The following SH3KBP1 variants were observed in gnomAD, a reference collection of about 807,000 sequenced individuals.
SH3KBP1 encodes SH3 domain-containing kinase-binding protein 1.
SH3KBP1 carries 8 observed loss-of-function variants against 50.1 expected under a neutral mutation model. That is an observed-to-expected ratio of 0.16 (90% CI 0.09 to 0.29). The LOEUF is 0.29. Among genes scored for constraint, SH3KBP1 ranks in the 10% least tolerant of loss-of-function variants. The pLI, the probability that SH3KBP1 is intolerant of heterozygous loss-of-function variation, is 1.00. For missense variants in SH3KBP1, 377 were observed against 535.2 expected (o/e 0.70, Z 2.92); for synonymous variants, 227 against 218.6 (o/e 1.04, Z -0.34).
At chrX:19,833,904 T>C (rs1475452692) in intron 2 of SH3KBP1, among the ~76,000 whole-genome samples, 3 of 111,849 alleles carry the variant, frequency 2.7e-5, no homozygotes, top group Non-Finnish European at 5.6e-5. Flanking sequence ...AGAACTCCCA[T>C]TCACACCTCA....
Position 19,760,020 on chromosome X carries a change from TCTCCTCTCTCTCTCTCTCTCC to T in SH3KBP1, c.163-13600_163-13580del, listed in dbSNP as rs1457499329. ...ATAAATCAGTCTCGGTCTCTCTCTC[TCTCCTCTCTCTCTCTCTCTCC>T]CTCTCTCTCTCTCTCTCTCTCTCTC... On this transcript the variant is annotated intron_variant, in intron 2 of 17. Transcript: ENST00000397821. Among the ~76,000 whole-genome samples the T allele has an allele frequency of 5.2e-4, 50 of 95,308 alleles. 1 individual carries two copies. The highest frequency in any genetic ancestry group is 2.2e-3 in the African/African-American group (48 of 21,860). The allele number at this position is 95,308 out of a possible 115,157, so 82.8% of individuals were successfully genotyped here.
At chrX:19,792,860 C>G (rs746746446) in intron 2 of SH3KBP1, among the ~76,000 whole-genome samples, 4 of 110,305 alleles carry the variant, frequency 3.6e-5, no homozygotes, top group Non-Finnish European at 7.6e-5. Context: ...TGCTCCTAAA[C>G]ATCCTACAAC....
intron 7 of SH3KBP1, among the ~76,000 whole-genome samples, chrX:19,636,915 T>C (rs186623473): frequency 1.6e-3 from 175 of 112,260 alleles, no homozygotes; most frequent in African/African-American, 5.4e-3. Context: ...AAGTACCAGG[T>C]CACACCTAAA....
chrX:19,568,376 T>C (rs1024041112), intron 13 of SH3KBP1, among the ~76,000 whole-genome samples: 2 of 112,366 alleles, frequency 1.8e-5, no homozygotes, highest in African/African-American at 6.5e-5. Flanking sequence ...CCAAGAAATG[T>C]GATAGCCTGT....
intron 6 of SH3KBP1, chrX:19,670,886 C>T (rs755182995): frequency 8.7e-7 from 1 of 1,146,493 alleles, no homozygotes; most frequent in South Asian, 1.9e-5. Context: ...TGCAGCCAGC[C>T]TCCTCTCTTC....
chrX:19,845,371 G>A (rs780860860), intron 1 of SH3KBP1, among the ~76,000 whole-genome samples: 84 of 107,670 alleles, frequency 7.8e-4, no homozygotes, highest in African/African-American at 2.6e-3. Flanking sequence ...CCCGCTACTC[G>A]GGAGGCTGAG....
intron 3 of SH3KBP1, among the ~76,000 whole-genome samples, chrX:19,730,209 A>T (rs5955838): frequency 0.36 from 39,541 of 110,525 alleles, 8,968 homozygotes; most frequent in African/African-American, 0.85. Context: ...AACAATATTT[A>T]AAAAAAATAA....
At chrX:19,666,174 TAGA>T (rs1219011751) in intron 6 of SH3KBP1, among the ~76,000 whole-genome samples, 1 of 100,121 alleles carries the variant, frequency 1.0e-5, no homozygotes, top group East Asian at 3.1e-4. Flanking sequence ...AATTCCAGAG[TAGA>T]AGGTGAAGAG....
intron 9 of SH3KBP1, among the ~76,000 whole-genome samples, chrX:19,597,967 T>C (rs191121018): frequency 1.8e-5 from 2 of 112,976 alleles, no homozygotes; most frequent in Non-Finnish European, 3.7e-5. Flanking sequence ...TCTGGATAAC[T>C]TGCTGCAGCT....
At chrX:19,729,137 T>C (rs1332827384) in intron 3 of SH3KBP1, among the ~76,000 whole-genome samples, 2 of 112,793 alleles carry the variant, frequency 1.8e-5, no homozygotes, top group Admixed American at 1.9e-4. Flanking sequence ...AGGATATTTG[T>C]AAACTGTTAC....
chrX:19,784,672 C>T (rs1420321036), intron 2 of SH3KBP1, among the ~76,000 whole-genome samples: 7 of 111,011 alleles, frequency 6.3e-5, no homozygotes, highest in East Asian at 5.6e-4. Flanking sequence ...TGCAGTGGCG[C>T]GATCTCAGCT....
chrX:19,617,434 T>C (rs916697096), intron 8 of SH3KBP1, among the ~76,000 whole-genome samples: 2 of 112,504 alleles, frequency 1.8e-5, no homozygotes, highest in African/African-American at 6.5e-5. Context: ...AATAGAACTT[T>C]CAGCTCTATC....
At chrX:19,626,815 C>A (rs1053427993) in intron 8 of SH3KBP1, among the ~76,000 whole-genome samples, 1 of 110,454 alleles carries the variant, frequency 9.1e-6, no homozygotes, top group South Asian at 3.9e-4. Context: ...GTGATCCTCC[C>A]GTCTCAGCCA....
At chrX:19,882,444 TG>T (rs968182347) in intron 1 of SH3KBP1, among the ~76,000 whole-genome samples, 1 of 110,676 alleles carries the variant, frequency 9.0e-6, no homozygotes, top group Non-Finnish European at 1.9e-5. Context: ...TCAGTAACAA[TG>T]ATGTGATGGG....
intron 6 of SH3KBP1, among the ~76,000 whole-genome samples, chrX:19,653,652 A>G (rs183374294): frequency 2.7e-5 from 3 of 110,124 alleles, no homozygotes; most frequent in African/African-American, 9.9e-5. Context: ...CGGAGGTTGC[A>G]GTGAGCCAAG....
At chrX:19,789,813 G>A (rs771966071) in intron 2 of SH3KBP1, among the ~76,000 whole-genome samples, 17 of 110,011 alleles carry the variant, frequency 1.5e-4, no homozygotes, top group African/African-American at 4.3e-4. Context: ...GACCCCAGAG[G>A]CCATTTTCCT....
At chrX:19,753,179 C>A (rs895884926) in intron 2 of SH3KBP1, among the ~76,000 whole-genome samples, 1 of 111,604 alleles carries the variant, frequency 9.0e-6, no homozygotes, top group Admixed American at 9.5e-5. Context: ...TGAGGTTGGG[C>A]AGAGCCCCCT....
chrX:19,638,799 T>C (rs904230716), intron 7 of SH3KBP1, among the ~76,000 whole-genome samples: 1 of 111,581 alleles, frequency 9.0e-6, no homozygotes, highest in Non-Finnish European at 1.9e-5. Context: ...TGAGGAGTAG[T>C]GAAATACATA....
At chrX:19,868,787 C>T (rs73193559) in intron 1 of SH3KBP1, among the ~76,000 whole-genome samples, 6,051 of 107,404 alleles carry the variant, frequency 0.056, 188 homozygotes, top group Middle Eastern at 0.099. Flanking sequence ...TCAATCAACC[C>T]ATTATAAGTC....
Sources: allele counts gnomAD v4.1 joint callset (sites outside exome capture counted in the v4.1 genomes callset), GRCh38; gene constraint gnomAD v4.1.1; transcripts MANE v1.5; gene names NCBI Gene and HGNC (gene_info 2026-07-23, HGNC 2026-07-21).